The following PTPRD variants were observed in gnomAD, a reference collection of about 807,000 sequenced individuals.
The protein encoded by PTPRD is protein tyrosine phosphatase receptor type D.
PTPRD carries 34 observed loss-of-function variants against 214.5 expected under a neutral mutation model. The observed-to-expected ratio is 0.16, with a 90% confidence interval of 0.12 to 0.21. PTPRD has a LOEUF of 0.21. PTPRD is among the 10% of genes least tolerant of loss of function. PTPRD has a pLI of 1.00. For synonymous variants in PTPRD, 1,128 were observed against 845.7 expected (o/e 1.33, Z -5.79); for missense variants, 2,545 against 2,398.7 (o/e 1.06, Z -1.27).
At chr9:10,256,940 T>C (rs1015658956) in intron 3 of PTPRD, among the ~76,000 whole-genome samples, 1 of 152,222 alleles carries the variant, frequency 6.6e-6, no homozygotes, top group Non-Finnish European at 1.5e-5. Context: ...TCTTTCTTCA[T>C]AATGTTCAAA....
intron 12 of PTPRD, among the ~76,000 whole-genome samples, chr9:8,706,900 C>A (rs1328767562): frequency 1.3e-5 from 2 of 152,220 alleles, no homozygotes; most frequent in Non-Finnish European, 2.9e-5. Context: ...TCCCGTGCCA[C>A]TGTCCCCGCT....
rs59488682 is a variant in PTPRD, at chr9:8,353,937, C to CATATATATATATATATAT, written c.4662-11977_4662-11960dup. ...ATATATGTATATATATGTGTGTGTA[C>CATATATATATATATATAT]ATATATATATATATATATATATATA... On this transcript the variant is annotated intron_variant, in intron 39 of 45. Transcript: ENST00000381196. 3.8e-4 allele frequency among the ~76,000 whole-genome samples: 23 copies of CATATATATATATATATAT among 61,298 alleles called. 2 individuals carry two copies. Among genetic ancestry groups the CATATATATATATATATAT allele is most frequent in the African/African-American group, 1.5e-3 (22 of 14,782 alleles). 40.2% of individuals were successfully genotyped at this position (61,298 alleles called of 152,430 possible). A position where few individuals can be genotyped will look rare whatever the true frequency, so the allele number is the denominator to read the frequency against.
chr9:9,626,048 A>G (rs550437446), intron 7 of PTPRD, among the ~76,000 whole-genome samples: 18 of 152,314 alleles, frequency 1.2e-4, no homozygotes, highest in South Asian at 4.1e-4. Context: ...TTGAGTTACA[A>G]CTGGACTTTA....
chr9:9,022,812 G>C (rs559948735), intron 10 of PTPRD, among the ~76,000 whole-genome samples: 7 of 152,204 alleles, frequency 4.6e-5, no homozygotes, highest in African/African-American at 1.7e-4. Context: ...ATCTATATTG[G>C]AATATTCAAA....
At chr9:9,168,207 C>T (rs1044637718) in intron 10 of PTPRD, among the ~76,000 whole-genome samples, 1 of 152,154 alleles carries the variant, frequency 6.6e-6, no homozygotes, top group Non-Finnish European at 1.5e-5. Flanking sequence ...GTATAGGCCA[C>T]AAGGTCTATG....
intron 11 of PTPRD, among the ~76,000 whole-genome samples, chr9:8,996,802 C>A (rs957974609): frequency 6.6e-6 from 1 of 151,998 alleles, no homozygotes; most frequent in Non-Finnish European, 1.5e-5. Context: ...CCTCTTAATA[C>A]TTTTACTTAA....
intron 2 of PTPRD, among the ~76,000 whole-genome samples, chr9:10,350,665 A>G (rs1189259450): frequency 6.6e-6 from 1 of 152,156 alleles, no homozygotes; most frequent in Non-Finnish European, 1.5e-5. Flanking sequence ...ATCTGCCAAA[A>G]CAGTCTATAC....
At chr9:9,016,974 C>G (rs1301593625) in intron 11 of PTPRD, among the ~76,000 whole-genome samples, 5 of 151,882 alleles carry the variant, frequency 3.3e-5, no homozygotes, top group Admixed American at 6.6e-5. Flanking sequence ...GGCGTTTTCT[C>G]TTTTGCCCCC....
chr9:10,007,866 C>A (rs2096520974), intron 4 of PTPRD, among the ~76,000 whole-genome samples: 3 of 151,864 alleles, frequency 2.0e-5, no homozygotes, highest in African/African-American at 7.3e-5. Flanking sequence ...CCAATAGTTA[C>A]TTTAGTAAAA....
At chr9:9,118,034 C>G (rs1485998330) in intron 10 of PTPRD, among the ~76,000 whole-genome samples, 1 of 152,132 alleles carries the variant, frequency 6.6e-6, no homozygotes, top group Admixed American at 6.5e-5. Context: ...GGACCTGAAG[C>G]ACAACTGAAG....
chr9:8,866,613 C>A (rs930374540), intron 11 of PTPRD, among the ~76,000 whole-genome samples: 1 of 152,154 alleles, frequency 6.6e-6, no homozygotes, highest in Admixed American at 6.5e-5. Context: ...TGGAATGCTG[C>A]CTGAGCCCAT....
At chr9:9,973,058 T>G (rs908794287) in intron 4 of PTPRD, among the ~76,000 whole-genome samples, 4 of 152,056 alleles carry the variant, frequency 2.6e-5, no homozygotes, top group African/African-American at 9.7e-5. Context: ...GAAAGTAAAT[T>G]AGAAAATTCC....
At chr9:8,386,528 T>A (rs1051604978) in intron 37 of PTPRD, among the ~76,000 whole-genome samples, 1 of 152,174 alleles carries the variant, frequency 6.6e-6, no homozygotes, top group Non-Finnish European at 1.5e-5. Context: ...AGGTAATTTG[T>A]TTACGTTACC....
At chr9:10,454,140 T>C (rs1203872290) in intron 2 of PTPRD, among the ~76,000 whole-genome samples, 1 of 151,666 alleles carries the variant, frequency 6.6e-6, no homozygotes, top group Non-Finnish European at 1.5e-5. Context: ...TACTAAACTG[T>C]AATCAACAGA....
At chr9:9,486,460 C>A (rs970121109) in intron 8 of PTPRD, among the ~76,000 whole-genome samples, 1 of 152,060 alleles carries the variant, frequency 6.6e-6, no homozygotes, top group African/African-American at 2.4e-5. Flanking sequence ...ATGGAAAATT[C>A]CCTTCTTGAA....
chr9:10,101,930 G>A (rs1424787169), intron 3 of PTPRD, among the ~76,000 whole-genome samples: 2 of 151,624 alleles, frequency 1.3e-5, no homozygotes, highest in African/African-American at 2.4e-5. Context: ...AGGATACACT[G>A]CTAACTCCTT....
chr9:10,187,083 T>A (rs1350633417), intron 3 of PTPRD, among the ~76,000 whole-genome samples: 1 of 152,324 alleles, frequency 6.6e-6, no homozygotes, highest in African/African-American at 2.4e-5. Context: ...TTTTATTCAA[T>A]TTATACAACT....
At chr9:8,977,873 A>T (rs901040056) in intron 11 of PTPRD, among the ~76,000 whole-genome samples, 2 of 152,098 alleles carry the variant, frequency 1.3e-5, no homozygotes, top group African/African-American at 2.4e-5. Flanking sequence ...GGAAAAACGT[A>T]ATATAGCAGG....
intron 2 of PTPRD, among the ~76,000 whole-genome samples, chr9:10,523,301 A>C (rs2053000638): frequency 6.6e-6 from 1 of 151,764 alleles, no homozygotes; most frequent in South Asian, 2.1e-4. Flanking sequence ...TATAATCAAC[A>C]CTTGTGTTGC....
Sources: gnomAD v4.1 joint callset for allele counts (sites outside exome capture counted in the v4.1 genomes callset) on GRCh38, gnomAD v4.1.1 for gene constraint, MANE v1.5 for transcripts, NCBI Gene and HGNC (gene_info 2026-07-23, HGNC 2026-07-21) for gene names.